The following DSCAM variants were observed in gnomAD, a reference collection of about 807,000 sequenced individuals.
The protein encoded by DSCAM is cell adhesion molecule DSCAM.
Under a neutral mutation model 217.7 loss-of-function variants are expected in DSCAM, and 47 were observed. The ratio of observed to expected loss-of-function variants is 0.22; its 90% confidence interval spans 0.17 to 0.28. The LOEUF (loss-of-function observed/expected upper bound fraction) is 0.28. Ranked by LOEUF, DSCAM falls within the 10% of genes least tolerant of loss-of-function variation. DSCAM has a pLI of 1.00. For missense variants in DSCAM, 2,080 were observed against 2,618.3 expected (o/e 0.79, Z 4.49); for synonymous variants, 1,056 against 1,015.3 (o/e 1.04, Z -0.76).
chr21:40,648,017 G>GCAA (rs1298945959), intron 3 of DSCAM, among the ~76,000 whole-genome samples: 1 of 152,164 alleles, frequency 6.6e-6, no homozygotes, highest in Non-Finnish European at 1.5e-5. Context: ...CTTGGTGCAT[G>GCAA]CAACAGCACA....
intron 2 of DSCAM, among the ~76,000 whole-genome samples, chr21:40,696,794 TAA>T (rs1038064244): frequency 2.0e-5 from 3 of 152,178 alleles, no homozygotes; most frequent in African/African-American, 7.2e-5. Flanking sequence ...CATTGTGATA[TAA>T]GAGTTGTACA....
intron 2 of DSCAM, among the ~76,000 whole-genome samples, chr21:40,700,470 T>C (rs1273917524): frequency 6.6e-6 from 1 of 152,230 alleles, no homozygotes; most frequent in Non-Finnish European, 1.5e-5. Context: ...TTTACACTGA[T>C]TAATTTTCAA....
At chr21:40,597,722 G>A (rs2146255740) in intron 3 of DSCAM, among the ~76,000 whole-genome samples, 1 of 152,154 alleles carries the variant, frequency 6.6e-6, no homozygotes, top group Middle Eastern at 3.4e-3. Flanking sequence ...TGACCAGGCA[G>A]GCTGGTCTCA....
At chr21:40,633,787 T>C (rs1303338696) in intron 3 of DSCAM, among the ~76,000 whole-genome samples, 1 of 152,128 alleles carries the variant, frequency 6.6e-6, no homozygotes, top group African/African-American at 2.4e-5. Context: ...TTTGAGAGCG[T>C]GTTCAATGGT....
At chr21:40,313,321 G>A (rs1230632312) in intron 8 of DSCAM, among the ~76,000 whole-genome samples, 2 of 152,092 alleles carry the variant, frequency 1.3e-5, no homozygotes, top group South Asian at 4.1e-4. Context: ...TATTTGACTT[G>A]CTGATGTATT....
intron 1 of DSCAM, among the ~76,000 whole-genome samples, chr21:40,773,964 A>AT (rs1204464796): frequency 6.6e-6 from 1 of 152,212 alleles, no homozygotes; most frequent in African/African-American, 2.4e-5. Context: ...GTTCAGATGC[A>AT]TCCCCCCTAC....
At chr21:40,276,362 T>A (rs1270285064) in intron 10 of DSCAM, 92 bp from the exon 11 acceptor site, 1 of 1,145,614 alleles carries the variant, frequency 8.7e-7, no homozygotes, top group Admixed American at 3.1e-5. Context: ...CATAAAGAGA[T>A]GCTTCACACT....
chr21:40,698,891 A>G (rs1469108793), intron 2 of DSCAM, among the ~76,000 whole-genome samples: 1 of 148,308 alleles, frequency 6.7e-6, no homozygotes, highest in Non-Finnish European at 1.5e-5. Flanking sequence ...AAAAAAAAAA[A>G]AAAGAGTCGC....
At chr21:40,284,396 A>T (rs1426487937) in intron 10 of DSCAM, among the ~76,000 whole-genome samples, 1 of 152,142 alleles carries the variant, frequency 6.6e-6, no homozygotes, top group Non-Finnish European at 1.5e-5. Context: ...CTGTATGTTG[A>T]TCTTTAGCAC....
intron 32 of DSCAM, among the ~76,000 whole-genome samples, chr21:40,028,152 G>T (rs1206983872): frequency 1.1e-5 from 1 of 91,798 alleles, no homozygotes; most frequent in African/African-American, 4.4e-5. Flanking sequence ...CCTGCTGGGG[G>T]GTGCCTCCCA....
chr21:40,123,058 C>T (rs908773994), intron 20 of DSCAM, among the ~76,000 whole-genome samples: 1 of 152,142 alleles, frequency 6.6e-6, no homozygotes, highest in Non-Finnish European at 1.5e-5. Context: ...ATGACAAATG[C>T]TATATCATTC....
At chr21:40,435,146 A>G (rs1005400076) in intron 3 of DSCAM, among the ~76,000 whole-genome samples, 5 of 152,188 alleles carry the variant, frequency 3.3e-5, no homozygotes, top group African/African-American at 1.2e-4. Flanking sequence ...CCAGTTCTGA[A>G]GTCTGGTGGC....
chr21:40,562,230 G>A (rs2076725904), intron 3 of DSCAM, among the ~76,000 whole-genome samples: 1 of 152,162 alleles, frequency 6.6e-6, no homozygotes, highest in South Asian at 2.1e-4. Flanking sequence ...TTTCCCCCAT[G>A]CGGTTCTCAT....
At chr21:40,789,691 G>A (rs889904248) in intron 1 of DSCAM, among the ~76,000 whole-genome samples, 1 of 151,964 alleles carries the variant, frequency 6.6e-6, no homozygotes, top group African/African-American at 2.4e-5. Flanking sequence ...CAGTAGCTGG[G>A]ACTACAGGTG....
intron 1 of DSCAM, among the ~76,000 whole-genome samples, chr21:40,733,751 T>TA (rs1346272922): frequency 3.9e-5 from 6 of 152,138 alleles, no homozygotes; most frequent in African/African-American, 1.4e-4. Context: ...TGCTCTGCTC[T>TA]GCTCCACTCT....
At position 40,532,293 on chromosome 21, in the gene DSCAM, G is replaced by A. The variant is rs145889974; in HGVS notation, c.508+160517C>T. On this transcript the variant is annotated intron_variant, in intron 3 of 32. Coordinates refer to ENST00000400454, the MANE Select transcript of DSCAM (RefSeq NM_001389.5). ...AATATCAGATAAGACAGTTGCTGACGTCAAGTTAAAAAAATAAATAAAAGA... is the reference window on the plus strand; with the variant it reads ...AATATCAGATAAGACAGTTGCTGACATCAAGTTAAAAAAATAAATAAAAGA... Among the ~76,000 whole-genome samples the A allele has an allele frequency of 4.4e-3, 665 of 152,150 alleles. 3 individuals carry two copies. Among genetic ancestry groups the A allele is most frequent in the African/African-American group, 0.015 (624 of 41,510 alleles).
Position 40,280,710 on chromosome 21 carries a change from CT to C in DSCAM, c.2183-4441del, listed in dbSNP as rs755827074. ...TCTTCTAAACATAAAATAATGTAGCCTTCGTTTTTATGCAAATGGACTTTAT... is the reference window on the plus strand; with the variant it reads ...TCTTCTAAACATAAAATAATGTAGCCTCGTTTTTATGCAAATGGACTTTAT... On this transcript the variant is annotated intron_variant, in intron 10 of 32. Coordinates refer to ENST00000400454, the MANE Select transcript of DSCAM (RefSeq NM_001389.5). Among the ~76,000 whole-genome samples the C allele has an allele frequency of 8.6e-4, 131 of 152,098 alleles. 4 individuals are homozygous for C. Among genetic ancestry groups the C allele is most frequent in the Non-Finnish European group, 2.4e-4 (16 of 68,024 alleles).
intron 3 of DSCAM, among the ~76,000 whole-genome samples, chr21:40,467,121 C>T (rs753770974): frequency 1.7e-4 from 26 of 152,164 alleles, no homozygotes; most frequent in Non-Finnish European, 2.8e-4. Flanking sequence ...CATTATTACT[C>T]TACCTGTATT....
chr21:40,304,515 A>T (rs770445981), intron 9 of DSCAM, among the ~76,000 whole-genome samples: 7 of 152,234 alleles, frequency 4.6e-5, no homozygotes, highest in Non-Finnish European at 1.0e-4. Flanking sequence ...TGTGTTTACA[A>T]TGTGGCAAAC....
Sources: allele counts gnomAD v4.1 joint callset (sites outside exome capture counted in the v4.1 genomes callset), GRCh38; gene constraint gnomAD v4.1.1; transcripts MANE v1.5; gene names NCBI Gene and HGNC (gene_info 2026-07-23, HGNC 2026-07-21).